ROCK2: variants seen among roughly 807,000 people sequenced by gnomAD.
The protein encoded by ROCK2 is Rho associated coiled-coil containing protein kinase 2.
A neutral mutation model predicts 195.1 loss-of-function variants in ROCK2; 61 were observed. That is an observed-to-expected ratio of 0.31 (90% CI 0.25 to 0.39). The LOEUF (loss-of-function observed/expected upper bound fraction) is 0.39, where lower values mean the gene tolerates loss of function less well. Ranked by LOEUF, ROCK2 falls within the 10% of genes least tolerant of loss-of-function variation. ROCK2 has a pLI of 1.00. For missense variants in ROCK2, 1,109 were observed against 1,637.4 expected, an observed-to-expected ratio of 0.68 and a Z score of 5.57; for synonymous variants, 504 against 545.5, an observed-to-expected ratio of 0.92 and a Z score of 1.06.
intron 20 of ROCK2, among the ~76,000 whole-genome samples, chr2:11,204,430 T>G (rs1663975454): frequency 6.6e-6 from 1 of 152,196 alleles, no homozygotes; most frequent in Non-Finnish European, 1.5e-5. Flanking sequence ...ATATAGATCT[T>G]TTTTCATTTA....
chr2:11,237,998 A>G (rs369588126), intron 4 of ROCK2, among the ~76,000 whole-genome samples: 2 of 152,200 alleles, frequency 1.3e-5, no homozygotes, highest in South Asian at 2.1e-4. Context: ...GAATTGCTGG[A>G]ACCCGGGAGG....
At chr2:11,300,928 C>T (rs1462449211) in intron 1 of ROCK2, among the ~76,000 whole-genome samples, 1 of 152,064 alleles carries the variant, frequency 6.6e-6, no homozygotes, top group Non-Finnish European at 1.5e-5. Context: ...CAGCCACTAA[C>T]GTATTATGCT....
In ROCK2 at chr2:11,213,685, C is replaced by T. The variant is rs1039130468; in HGVS notation, c.2043+672G>A. 2.0e-5 allele frequency among the ~76,000 whole-genome samples: 3 copies of T among 151,826 alleles called. No individual in the cohort carries two copies. The South Asian group carries it at 6.2e-4, about 32-fold the overall frequency. ...TCTATGTCTTTGCTCATGCTGTTCT[C>T]CCTAACTTAGAATGTGCCTTTGCCC... On this transcript the variant is annotated intron_variant, in intron 17 of 32. Coordinates refer to ENST00000315872, the MANE Select transcript of ROCK2 (RefSeq NM_004850.5).
At chr2:11,259,101 C>G (rs1479700354) in intron 3 of ROCK2, among the ~76,000 whole-genome samples, 4 of 151,416 alleles carry the variant, frequency 2.6e-5, no homozygotes, top group Middle Eastern at 3.4e-3. Context: ...GAGATTTAGG[C>G]TTCACTACAT....
At chr2:11,249,873 C>T (rs1572305502) in intron 3 of ROCK2, 75 bp from the exon 4 acceptor site, 3 of 1,205,848 alleles carry the variant, frequency 2.5e-6, no homozygotes, top group Non-Finnish European at 3.3e-6. Context: ...TACTATAATG[C>T]TATTATTAAA....
At chr2:11,322,890 T>C (rs1313098242) in intron 1 of ROCK2, among the ~76,000 whole-genome samples, 1 of 152,170 alleles carries the variant, frequency 6.6e-6, no homozygotes, top group African/African-American at 2.4e-5. Flanking sequence ...TAACAACTAA[T>C]GAGTTTTAAA....
At chr2:11,223,014 T>C (rs890614546) in intron 7 of ROCK2, among the ~76,000 whole-genome samples, 3 of 152,172 alleles carry the variant, frequency 2.0e-5, no homozygotes, top group Non-Finnish European at 4.4e-5. Flanking sequence ...GCACAAATTA[T>C]GGCCATCCCT....
chr2:11,311,767 G>GCACACA (rs72036284), intron 1 of ROCK2, among the ~76,000 whole-genome samples: 4 of 150,184 alleles, frequency 2.7e-5, no homozygotes, highest in African/African-American at 9.7e-5. Flanking sequence ...ACACGCGCGT[G>GCACACA]CACACACACA....
intron 3 of ROCK2, among the ~76,000 whole-genome samples, chr2:11,283,066 A>C (rs1047090584): frequency 6.6e-6 from 1 of 151,400 alleles, no homozygotes; most frequent in African/African-American, 2.4e-5. Context: ...CAGGAGTTTG[A>C]GACCAGCCTG....
At chr2:11,185,400 C>T (rs970477312) in intron 32 of ROCK2, among the ~76,000 whole-genome samples, 11 of 152,128 alleles carry the variant, frequency 7.2e-5, no homozygotes, top group Non-Finnish European at 1.6e-4. Flanking sequence ...ATTCAATAAC[C>T]TAAACTGTAA....
intron 3 of ROCK2, among the ~76,000 whole-genome samples, chr2:11,250,738 C>T (rs541296266): frequency 8.9e-4 from 136 of 152,310 alleles, no homozygotes; most frequent in African/African-American, 2.3e-3. Context: ...TCAGTTCTAC[C>T]TTCAAGAAGT....
At chr2:11,297,204 G>A (rs1316830388) in intron 1 of ROCK2, among the ~76,000 whole-genome samples, 1 of 152,022 alleles carries the variant, frequency 6.6e-6, no homozygotes, top group Non-Finnish European at 1.5e-5. Flanking sequence ...TTTAAAAAGT[G>A]CAGAATAAAA....
At chr2:11,341,378 A>C (rs1669100985) in intron 1 of ROCK2, among the ~76,000 whole-genome samples, 1 of 152,240 alleles carries the variant, frequency 6.6e-6, no homozygotes. Context: ...CTTTGAAAAG[A>C]AAATTTAAAG....
chr2:11,224,100 A>G (rs1456791169), intron 7 of ROCK2, among the ~76,000 whole-genome samples: 1 of 152,118 alleles, frequency 6.6e-6, no homozygotes, highest in Admixed American at 6.6e-5. Flanking sequence ...CTTTTTAGAC[A>G]TGAGGGTTAA....
chr2:11,331,466 G>T (rs575484584), intron 1 of ROCK2, among the ~76,000 whole-genome samples: 13 of 152,210 alleles, frequency 8.5e-5, no homozygotes, highest in African/African-American at 2.9e-4. Context: ...TTTTAACAGA[G>T]AAGTATAAAG....
At chr2:11,245,708 A>G (rs6716817) in intron 4 of ROCK2, among the ~76,000 whole-genome samples, 74,152 of 151,958 alleles carry the variant, frequency 0.49, 18,974 homozygotes, top group Admixed American at 0.57. Context: ...TCACATTGCA[A>G]GCAAGCTATC....
At chr2:11,199,625 C>T (rs1422773431) in intron 23 of ROCK2, among the ~76,000 whole-genome samples, 4 of 152,202 alleles carry the variant, frequency 2.6e-5, no homozygotes, top group South Asian at 2.1e-4. Context: ...GCCACCATGC[C>T]AGGCTGCGAT....
chr2:11,225,814 T>G (rs1477816988), intron 6 of ROCK2, among the ~76,000 whole-genome samples: 1 of 152,168 alleles, frequency 6.6e-6, no homozygotes, highest in African/African-American at 2.4e-5. Flanking sequence ...TGGGACCATA[T>G]GATGCGTACA....
At chr2:11,271,070 T>C (rs1326292639) in intron 3 of ROCK2, among the ~76,000 whole-genome samples, 1 of 152,216 alleles carries the variant, frequency 6.6e-6, no homozygotes, top group East Asian at 1.9e-4. Context: ...GCCTCTATAC[T>C]GTGAACTTTA....
Sources: gnomAD v4.1 joint callset for allele counts (sites outside exome capture counted in the v4.1 genomes callset) on GRCh38, gnomAD v4.1.1 for gene constraint, MANE v1.5 for transcripts, NCBI Gene and HGNC (gene_info 2026-07-23, HGNC 2026-07-21) for gene names.